Variants in SLC26A4 observed in about 807,000 individuals in gnomAD.
SLC26A4 encodes the protein pendrin.
Under a neutral mutation model 90.4 loss-of-function variants are expected in SLC26A4, and 93 were observed. The observed-to-expected ratio is 1.03, with a 90% CI of 0.87 to 1.22. SLC26A4 has a LOEUF of 1.22. Ranked by LOEUF, SLC26A4 falls within the 50% of genes most tolerant of loss-of-function variation. The pLI is 0.00. For missense variants in SLC26A4, 1,127 were observed against 946.2 expected (o/e 1.19, Z -2.51); for synonymous variants, 393 against 354.6 (o/e 1.11, Z -1.22).
In SLC26A4 at chr7:107,710,083, G is replaced by C. The variant is rs372072732; in HGVS notation, c.2119G>C (p.Gly707Arg). 1 of 1,612,912 alleles carries C rather than the reference G, an allele frequency of 6.2e-7. No homozygotes were observed. The highest frequency in any genetic ancestry group is 1.1e-5 in the South Asian group (1 of 91,060). Reference protein sequence around the residue: ...DYVIEKLEQCGFFDDNIRKDT... With the variant: ...DYVIEKLEQCRFFDDNIRKDT... ...TGTGATAGAAAAGCTGGAGCAATGC[G>C]GGTTCTTTGACGACAACATTAGAAA... Residue 707 changes from glycine (G) to arginine (R), a missense_variant, in exon 19 of 21, where the codon GGG (glycine) becomes CGG (arginine). By Grantham distance (125) the Gly-to-Arg change is moderately radical (BLOSUM62 -2). Transcript: ENST00000644269.
In SLC26A4 at chr7:107,690,247, A is replaced by G. The variant is rs1791530672; in HGVS notation, c.1263+10A>G. On this transcript the variant is annotated intron_variant, in intron 10 of 20. Transcript: ENST00000644269. The stretch of plus-strand genomic sequence containing the variant: ...TGGAGGAAAGACACAGGTAGGAACA[A>G]CAGCCTTATGATATCCATCTCAGAG... 1.4e-6 allele frequency: 2 copies of G among 1,462,602 alleles called. No individual in the cohort carries two copies. Among genetic ancestry groups the G allele is most frequent in the South Asian group, 1.1e-5 (1 of 88,102 alleles). The allele number at this position is 1,462,602 out of a possible 1,614,324, so 90.6% of individuals were successfully genotyped here. A position where few individuals can be genotyped will look rare whatever the true frequency, so the allele number is the denominator to read the frequency against.
intron 17 of SLC26A4, among the ~76,000 whole-genome samples, chr7:107,702,267 A>G (rs539349627): frequency 6.6e-6 from 1 of 152,318 alleles, no homozygotes; most frequent in South Asian, 2.1e-4. Context: ...TAGCAGTACG[A>G]CCCTGGGCAA....
chr7:107,695,795 A>G, intron 12 of SLC26A4, 138 bp from the exon 13 acceptor site: 1 of 657,834 alleles, frequency 1.5e-6, no homozygotes, highest in Non-Finnish European at 2.8e-6. Context: ...CCTGGGCAAT[A>G]GAGTGTGACC....
chr7:107,712,049 C>T (rs374805045), intron 19 of SLC26A4, among the ~76,000 whole-genome samples: 1 of 152,198 alleles, frequency 6.6e-6, no homozygotes, highest in Non-Finnish European at 1.5e-5. Flanking sequence ...CACCTCTAAA[C>T]AGTAGAGCTT....
rs902871120 is a variant in SLC26A4, at chr7:107,716,397, G to A, written c.*951G>A. ...CTCAAAAATTTTAGCAGTGTGTAAA[G>A]TAAGTAATCTTTAACTGAACTCTGA... On this transcript the variant is annotated 3_prime_UTR_variant, in exon 21 of 21. Transcript: ENST00000644269. 23 of 152,050 alleles carry A rather than the reference G, an allele frequency of 1.5e-4. No homozygotes were observed. The highest frequency in any genetic ancestry group is 5.5e-4 in the African/African-American group (23 of 41,500). The allele number at this position is 152,050 out of a possible 1,614,324, so 9.4% of individuals were successfully genotyped here. A position where few individuals can be genotyped will look rare whatever the true frequency, so the allele number is the denominator to read the frequency against.
At chr7:107,670,565 A>C (rs1211537035) in intron 3 of SLC26A4, among the ~76,000 whole-genome samples, 1 of 152,096 alleles carries the variant, frequency 6.6e-6, no homozygotes, top group African/African-American at 2.4e-5. Context: ...TGTACTTCTG[A>C]GCATCACATC....
Position 107,701,144 on chromosome 7 carries a change from C to G in SLC26A4, c.1751C>G (p.Ala584Gly). 1 of 1,611,036 alleles carries G rather than the reference C, an allele frequency of 6.2e-7. No individual in the cohort carries two copies. Among genetic ancestry groups the G allele is most frequent in the African/African-American group, 1.3e-5 (1 of 74,924 alleles). ...AIRVYNKRLK[A>G]LRKIQKLIKS... ...AGAGTATATAATAAGAGGCTGAAAGCGCTGAGGAAAATACAGAAACTAATA... is the reference window on the plus strand; with the variant it reads ...AGAGTATATAATAAGAGGCTGAAAGGGCTGAGGAAAATACAGAAACTAATA... The change falls in exon 16 of 21, where the codon GCG (alanine) becomes GGG (glycine). Residue 584 changes from alanine (A) to glycine (G), a missense_variant. By Grantham distance (60) the Ala-to-Gly change is moderately conservative. Coordinates refer to ENST00000644269, the MANE Select transcript of SLC26A4 (RefSeq NM_000441.2).
intron 18 of SLC26A4, among the ~76,000 whole-genome samples, chr7:107,705,319 T>C (rs948349432): frequency 4.6e-5 from 7 of 152,204 alleles, no homozygotes; most frequent in Middle Eastern, 3.2e-3. Context: ...TGAGTTTTTG[T>C]TGTTTCAGAG....
chr7:107,663,481 A>C lies in SLC26A4; in HGVS notation c.304+46A>C, dbSNP rs372755910. On this transcript the variant is annotated intron_variant, in intron 3 of 20. Coordinates refer to ENST00000644269, the MANE Select transcript of SLC26A4 (RefSeq NM_000441.2). ...GAGTTCTGGTCTCCAGCAGGAGTTTAACACTTCTCCCCAGCTACCATAGGT... is the reference window on the plus strand; with the variant it reads ...GAGTTCTGGTCTCCAGCAGGAGTTTCACACTTCTCCCCAGCTACCATAGGT... 9 of 1,607,940 alleles carry C rather than the reference A, an allele frequency of 5.6e-6. No individual in the cohort carries two copies. In the African/African-American group the frequency reaches 9.4e-5, roughly 17 times the overall value.
At chr7:107,670,801 C>T (rs971120728) in intron 3 of SLC26A4, among the ~76,000 whole-genome samples, 3 of 152,008 alleles carry the variant, frequency 2.0e-5, no homozygotes, top group African/African-American at 4.8e-5. Context: ...GGAGGTAAAA[C>T]GGAGTAAGAT....
chr7:107,711,773 T>C (rs2129320272), intron 19 of SLC26A4, among the ~76,000 whole-genome samples: 1 of 152,262 alleles, frequency 6.6e-6, no homozygotes, highest in South Asian at 2.1e-4. Context: ...CAGGACTATC[T>C]CAGGACACAA....
intron 8 of SLC26A4, 39 bp from the exon 9 acceptor site, chr7:107,689,014 T>C (rs890178176): frequency 6.2e-7 from 1 of 1,611,280 alleles, no homozygotes; most frequent in Non-Finnish European, 8.5e-7. Flanking sequence ...AGGATGGTGG[T>C]CAAATCTTCA....
At chr7:107,668,896 T>C (rs1181196632) in intron 3 of SLC26A4, among the ~76,000 whole-genome samples, 1 of 152,218 alleles carries the variant, frequency 6.6e-6, no homozygotes, top group Non-Finnish European at 1.5e-5. Flanking sequence ...CCAGTATTTG[T>C]CACCATGCTA....
rs778661976 is a variant in SLC26A4 at position 107,704,321 on chromosome 7, T to C, written c.2035-10T>C. 2.1e-5 allele frequency: 27 copies of C among 1,284,014 alleles called. No individual in the cohort carries two copies. Among genetic ancestry groups the C allele is most frequent in the Non-Finnish European group, 1.1e-6 (1 of 885,294 alleles). The allele number at this position is 1,284,014 out of a possible 1,614,324, so 79.5% of individuals were successfully genotyped here. ...GTTAATTGTTACAAACTCTCCTTTT[T>C]TATTTTTAGATTGTCAAAGAATTCC... On this transcript the variant is annotated splice_polypyrimidine_tract_variant and intron_variant, in intron 17 of 20. Coordinates refer to ENST00000644269, the MANE Select transcript of SLC26A4 (RefSeq NM_000441.2).
intron 6 of SLC26A4, among the ~76,000 whole-genome samples, chr7:107,675,805 C>T (rs1014969331): frequency 2.6e-5 from 4 of 151,902 alleles, no homozygotes; most frequent in Non-Finnish European, 5.9e-5. Flanking sequence ...AACTCCTGAC[C>T]TTGTGATCCA....
At chr7:107,663,217 C>G (rs947823350) in intron 2 of SLC26A4, 79 bp from the exon 3 acceptor site, 12 of 1,408,494 alleles carry the variant, frequency 8.5e-6, no homozygotes, top group African/African-American at 4.2e-5. Flanking sequence ...TCAGCAGAAT[C>G]CAGTTCATAA....
intron 8 of SLC26A4, among the ~76,000 whole-genome samples, chr7:107,683,784 T>A (rs114651372): frequency 3.1e-3 from 468 of 152,286 alleles, no homozygotes; most frequent in African/African-American, 0.011. Flanking sequence ...GCAGAACATG[T>A]ACGGTTAACA....
At chr7:107,709,736 A>G (rs1792128514) in intron 18 of SLC26A4, among the ~76,000 whole-genome samples, 1 of 152,260 alleles carries the variant, frequency 6.6e-6, no homozygotes, top group African/African-American at 2.4e-5. Context: ...CTACTGGAAA[A>G]GAAACTGTCA....
chr7:107,689,484 G>T (rs150536399), intron 9 of SLC26A4, among the ~76,000 whole-genome samples: 236 of 152,306 alleles, frequency 1.5e-3, no homozygotes, highest in African/African-American at 5.6e-3. Flanking sequence ...GTCAGAAAGA[G>T]AATTCTTCAT....
Sources: gnomAD v4.1 joint callset for allele counts (sites outside exome capture counted in the v4.1 genomes callset) on GRCh38, gnomAD v4.1.1 for gene constraint, MANE v1.5 for transcripts, NCBI Gene and HGNC (gene_info 2026-07-23, HGNC 2026-07-21) for gene names.